Variants in TSPAN11 observed in about 807,000 individuals in gnomAD.
The protein encoded by TSPAN11 is tetraspanin-11.
TSPAN11 carries 29 observed loss-of-function variants against 32.9 expected under a neutral mutation model. The observed-to-expected ratio is 0.88, with a 90% CI of 0.66 to 1.20. TSPAN11 has a LOEUF of 1.20. Ranked by LOEUF, TSPAN11 falls within the 50% of genes most tolerant of loss-of-function variation. The pLI, the probability that TSPAN11 is intolerant of heterozygous loss-of-function variation, is 0.00. For synonymous variants in TSPAN11, 140 were observed against 141.3 expected (o/e 0.99, Z 0.07); for missense variants, 283 against 329.1 (o/e 0.86, Z 1.08).
chr12:31,004,140 T>G, the TSPAN11 span, among the ~76,000 whole-genome samples: 3 of 152,322 alleles, frequency 2.0e-5, no homozygotes, highest in South Asian at 6.2e-4. Context: ...CACTGGATCC[T>G]GGCTAGTGGA....
At chr12:30,980,910 G>T (rs1289063694) in intron 5 of TSPAN11, among the ~76,000 whole-genome samples, 2 of 152,200 alleles carry the variant, frequency 1.3e-5, no homozygotes, top group African/African-American at 2.4e-5. Context: ...GCTAGACAAA[G>T]AGGAACAGGA....
At chr12:30,978,136 C>T (rs1011123278) in intron 3 of TSPAN11, among the ~76,000 whole-genome samples, 4 of 152,192 alleles carry the variant, frequency 2.6e-5, no homozygotes, top group Non-Finnish European at 4.4e-5. Context: ...GTTACTTAGG[C>T]GTCACCACCT....
chr12:30,981,850 C>T (rs1358061277), intron 5 of TSPAN11, among the ~76,000 whole-genome samples: 1 of 152,244 alleles, frequency 6.6e-6, no homozygotes, highest in Non-Finnish European at 1.5e-5. Context: ...GACAGCCTCA[C>T]AGCAGCCCTG....
chr12:30,989,293 G>A (rs1939264303), intron 7 of TSPAN11, among the ~76,000 whole-genome samples: 2 of 152,336 alleles, frequency 1.3e-5, no homozygotes, highest in African/African-American at 2.4e-5. Context: ...CTTCCTGGAG[G>A]AAGTGATATC....
chr12:30,937,336 G>C (rs1394064208), intron 1 of TSPAN11, among the ~76,000 whole-genome samples: 1 of 152,082 alleles, frequency 6.6e-6, no homozygotes, highest in Non-Finnish European at 1.5e-5. Flanking sequence ...TTGAACTGTT[G>C]CATCTTAACA....
rs370773067 is a variant in TSPAN11 at position 30,944,886 on chromosome 12, C to G, written c.-11-9095C>G. ...GAATAGAGAGTCAGAGTCCCCCAACCTGAGCTTTTGCTAATGGGAGCTTTT... is the reference window on the plus strand; with the variant it reads ...GAATAGAGAGTCAGAGTCCCCCAACGTGAGCTTTTGCTAATGGGAGCTTTT... On this transcript the variant is annotated intron_variant, in intron 1 of 7. Transcript: ENST00000546076. Among the ~76,000 whole-genome samples the G allele has an allele frequency of 1.9e-4, 29 of 152,348 alleles. 2 individuals carry two copies. Among genetic ancestry groups the G allele is most frequent in the African/African-American group, 6.7e-4 (28 of 41,580 alleles).
At chr12:30,946,935 C>G (rs1938280519) in intron 1 of TSPAN11, among the ~76,000 whole-genome samples, 1 of 152,138 alleles carries the variant, frequency 6.6e-6, no homozygotes, top group Non-Finnish European at 1.5e-5. Context: ...GCTTTTGCCC[C>G]TTAGGGACAC....
At chr12:30,964,939 G>A (rs1466610755) in intron 3 of TSPAN11, among the ~76,000 whole-genome samples, 13 of 152,128 alleles carry the variant, frequency 8.5e-5, no homozygotes. Context: ...TCAGCAGGTG[G>A]GACAGGTGTG....
chr12:31,007,559 TG>T, the TSPAN11 span, among the ~76,000 whole-genome samples: 1 of 152,138 alleles, frequency 6.6e-6, no homozygotes, highest in Admixed American at 6.5e-5. Context: ...CTCCTGGGGT[TG>T]GGTGTCACTG....
At chr12:30,977,293 T>C (rs1208838056) in intron 3 of TSPAN11, among the ~76,000 whole-genome samples, 1 of 148,856 alleles carries the variant, frequency 6.7e-6, no homozygotes, top group Non-Finnish European at 1.5e-5. Context: ...CCGCCCCCGC[T>C]CCGCCGCCAC....
chr12:30,928,780 C>G (rs1937854307), intron 1 of TSPAN11, among the ~76,000 whole-genome samples: 1 of 152,142 alleles, frequency 6.6e-6, no homozygotes, highest in Non-Finnish European at 1.5e-5. Flanking sequence ...GAGGCCTTTC[C>G]TGATCCCCCA....
chr12:30,937,383 C>T (rs149895766), intron 1 of TSPAN11, among the ~76,000 whole-genome samples: 1 of 151,934 alleles, frequency 6.6e-6, no homozygotes, highest in Admixed American at 6.6e-5. Flanking sequence ...ACTAGTCTTA[C>T]ACAGGACTAA....
chr12:30,934,668 C>T (rs1404592219), intron 1 of TSPAN11, among the ~76,000 whole-genome samples: 1 of 149,148 alleles, frequency 6.7e-6, no homozygotes, highest in East Asian at 2.0e-4. Context: ...TCTTTTAGCT[C>T]GTTAGCTGTC....
At chr12:30,988,037 A>C (rs1181748914) in intron 7 of TSPAN11, among the ~76,000 whole-genome samples, 1 of 152,192 alleles carries the variant, frequency 6.6e-6, no homozygotes, top group East Asian at 1.9e-4. Flanking sequence ...TGAAGGGAGA[A>C]TCCCCTGCAC....
At chr12:30,982,731 T>C in intron 6 of TSPAN11, 41 bp downstream of exon 6, 1 of 1,518,752 alleles carries the variant, frequency 6.6e-7, no homozygotes, top group South Asian at 1.2e-5. Context: ...GAGAGGGCCC[T>C]GGCCTGGCCG....
chr12:30,958,150 C>A (rs2140288336), intron 2 of TSPAN11, among the ~76,000 whole-genome samples: 1 of 152,170 alleles, frequency 6.6e-6, no homozygotes, highest in Non-Finnish European at 1.5e-5. Flanking sequence ...TGTTCCCTCC[C>A]AGCTCCACCC....
rs989667760 is a variant in TSPAN11, at chr12:30,930,046, G to A, written c.-12+3250G>A. Among the ~76,000 whole-genome samples, 38 of 152,148 alleles carry A rather than the reference G, an allele frequency of 2.5e-4. 2 individuals carry two copies. Among genetic ancestry groups the A allele is most frequent in the Admixed American group, 2.0e-3 (31 of 15,272 alleles). ...GACGGAGACTGTGGAGAGAAGGGTCGGGAGTAGAGAACTGGACCCTCTGTT... is the reference window on the plus strand; with the variant it reads ...GACGGAGACTGTGGAGAGAAGGGTCAGGAGTAGAGAACTGGACCCTCTGTT... On this transcript the variant is annotated intron_variant, in intron 1 of 7. Coordinates refer to ENST00000546076, the MANE Select transcript of TSPAN11 (RefSeq NM_001370302.1).
At chr12:30,959,592 G>A (rs1383385808) in intron 2 of TSPAN11, among the ~76,000 whole-genome samples, 2 of 150,150 alleles carry the variant, frequency 1.3e-5, no homozygotes, top group African/African-American at 2.5e-5. Flanking sequence ...CAACTACTTA[G>A]TTCAAAGTGA....
At chr12:30,976,274 G>A (rs1356545869) in intron 3 of TSPAN11, among the ~76,000 whole-genome samples, 8 of 152,106 alleles carry the variant, frequency 5.3e-5, no homozygotes, top group South Asian at 2.1e-4. Flanking sequence ...TTTCCCCCTC[G>A]TTGGGTCCTC....
Sources: gnomAD v4.1 joint callset for allele counts (sites outside exome capture counted in the v4.1 genomes callset) on GRCh38, gnomAD v4.1.1 for gene constraint, MANE v1.5 for transcripts, NCBI Gene and HGNC (gene_info 2026-07-23, HGNC 2026-07-21) for gene names.